Variants in EYS observed in about 807,000 individuals in gnomAD.
The protein encoded by EYS is EGF-like photoreceptor maintenance factor, also known as protein eyes shut homolog.
A neutral mutation model predicts 282.1 loss-of-function variants in EYS; 250 were observed. The ratio of observed to expected loss-of-function variants is 0.89; its 90% CI spans 0.80 to 0.98. The LOEUF is 0.98. Ranked by LOEUF, EYS falls within the 50% of genes least tolerant of loss-of-function variation. The pLI, the probability that EYS is intolerant of heterozygous loss-of-function variation, is 0.00. For missense variants in EYS, 4,016 were observed against 3,709.0 expected (o/e 1.08, Z -2.15); for synonymous variants, 1,355 against 1,282.9 (o/e 1.06, Z -1.20).
At chr6:65,372,992 C>T (rs1224404453) in intron 8 of EYS, among the ~76,000 whole-genome samples, 1 of 151,936 alleles carries the variant, frequency 6.6e-6, no homozygotes, top group African/African-American at 2.4e-5. Flanking sequence ...TTTTTGTTCT[C>T]TTTTTAATTT....
At chr6:65,241,789 A>G (rs1013897514) in intron 12 of EYS, among the ~76,000 whole-genome samples, 1 of 152,042 alleles carries the variant, frequency 6.6e-6, no homozygotes, top group African/African-American at 2.4e-5. Context: ...GGACAGAGAA[A>G]GAGTAAATCA....
intron 30 of EYS, among the ~76,000 whole-genome samples, chr6:64,278,304 A>G (rs1303248759): frequency 6.6e-6 from 1 of 152,188 alleles, no homozygotes; most frequent in African/African-American, 2.4e-5. Context: ...TTGGAATAAA[A>G]TATCAAGATC....
chr6:64,753,162 A>G (rs1330075659), intron 22 of EYS, among the ~76,000 whole-genome samples: 1 of 152,170 alleles, frequency 6.6e-6, no homozygotes, highest in Non-Finnish European at 1.5e-5. Context: ...AGTATAACTC[A>G]CAGGTCTTAT....
At chr6:65,069,220 C>A (rs1405986233) in intron 12 of EYS, among the ~76,000 whole-genome samples, 1 of 151,902 alleles carries the variant, frequency 6.6e-6, no homozygotes, top group Non-Finnish European at 1.5e-5. Flanking sequence ...CTTCTTTGAT[C>A]GGCATTTAAA....
chr6:64,486,123 T>C (rs1776574649), intron 26 of EYS, among the ~76,000 whole-genome samples: 1 of 151,522 alleles, frequency 6.6e-6, no homozygotes, highest in African/African-American at 2.4e-5. Context: ...GGGTTTGTAA[T>C]ATTAGAAATA....
At chr6:63,858,397 T>C (rs1241955987) in intron 36 of EYS, among the ~76,000 whole-genome samples, 1 of 152,152 alleles carries the variant, frequency 6.6e-6, no homozygotes, top group African/African-American at 2.4e-5. Context: ...ATGTGTACAC[T>C]GAAATACACA....
chr6:63,812,864 A>G (rs1402534674), intron 36 of EYS, among the ~76,000 whole-genome samples: 1 of 152,172 alleles, frequency 6.6e-6, no homozygotes, highest in Non-Finnish European at 1.5e-5. Flanking sequence ...AAATGTTACT[A>G]AGTTTTTGCA....
chr6:64,231,466 A>C (rs1014717337), intron 30 of EYS, among the ~76,000 whole-genome samples: 3 of 151,954 alleles, frequency 2.0e-5, no homozygotes, highest in African/African-American at 7.2e-5. Context: ...GATTCCTAAT[A>C]AGTACCTTAA....
chr6:64,375,934 G>A (rs1360315376), intron 29 of EYS, among the ~76,000 whole-genome samples: 12 of 151,996 alleles, frequency 7.9e-5, no homozygotes, highest in African/African-American at 7.2e-5. Flanking sequence ...TTTTACCAGT[G>A]AGCCTAATGC....
intron 12 of EYS, among the ~76,000 whole-genome samples, chr6:65,200,881 CAG>C (rs1233521903): frequency 1.3e-5 from 2 of 151,770 alleles, no homozygotes; most frequent in African/African-American, 2.4e-5. Context: ...GGAATAGAAA[CAG>C]AAGAAAAACT....
At chr6:65,115,056 A>G (rs951422275) in intron 12 of EYS, among the ~76,000 whole-genome samples, 1 of 151,956 alleles carries the variant, frequency 6.6e-6, no homozygotes, top group African/African-American at 2.4e-5. Context: ...GGCCTACTAC[A>G]TCAACTTGAA....
chr6:64,062,247 T>G (rs184865113), intron 33 of EYS, among the ~76,000 whole-genome samples: 1 of 152,230 alleles, frequency 6.6e-6, no homozygotes, highest in Admixed American at 6.5e-5. Context: ...CATAAACAAC[T>G]GGACAGATAA....
rs2149623660 is a variant in EYS at position 63,720,755 on chromosome 6, A to G, written c.9276T>C (p.Tyr3092=). 1 of 1,550,554 alleles carries G rather than the reference A, an allele frequency of 6.4e-7. No homozygotes were observed. The highest frequency in any genetic ancestry group is 8.7e-7 in the Non-Finnish European group (1 of 1,146,364). The change falls in exon 43 of 43, where the codon TAT becomes TAC. Residue 3092 remains tyrosine (Y), a synonymous_variant. Transcript: ENST00000503581. The part of the protein sequence containing the change: ...DGICYLGGFE[Y]GRKVNIVTQE... ...GAGTAACGATATTTACCTTTCTACC[A>G]TATTCAAAGCCCCCTAGATAACAAA...
At chr6:65,329,944 T>G in intron 11 of EYS, 4 of 976,286 alleles carry the variant, frequency 4.1e-6, no homozygotes, top group Non-Finnish European at 4.9e-6. Context: ...AAATTATGTT[T>G]TGGATATATT....
chr6:64,184,949 C>T (rs897686766), intron 31 of EYS, among the ~76,000 whole-genome samples: 1 of 151,788 alleles, frequency 6.6e-6, no homozygotes, highest in Non-Finnish European at 1.5e-5. Flanking sequence ...AGCACAATGA[C>T]ATTAGAAAGT....
chr6:64,194,233 C>A (rs1341786214), intron 31 of EYS, among the ~76,000 whole-genome samples: 1 of 152,162 alleles, frequency 6.6e-6, no homozygotes, highest in Admixed American at 6.5e-5. Context: ...ACCCAACACA[C>A]ATACCTTGTT....
chr6:63,875,443 T>G (rs897208271), intron 35 of EYS, among the ~76,000 whole-genome samples: 1 of 152,220 alleles, frequency 6.6e-6, no homozygotes, highest in Non-Finnish European at 1.5e-5. Flanking sequence ...CTTTTTTTGT[T>G]GTGTCTCGGC....
intron 22 of EYS, among the ~76,000 whole-genome samples, chr6:64,643,132 C>T (rs936940789): frequency 7.8e-6 from 1 of 128,840 alleles, no homozygotes; most frequent in Non-Finnish European, 1.7e-5. Context: ...CAAAAAAAAA[C>T]AACACTGAAG....
At chr6:63,955,425 T>C (rs1765774330) in intron 35 of EYS, among the ~76,000 whole-genome samples, 1 of 152,172 alleles carries the variant, frequency 6.6e-6, no homozygotes, top group Non-Finnish European at 1.5e-5. Context: ...TTCAATACTT[T>C]CACCCTGATG....
Sources: gnomAD v4.1 joint callset for allele counts (sites outside exome capture counted in the v4.1 genomes callset) on GRCh38, gnomAD v4.1.1 for gene constraint, MANE v1.5 for transcripts, NCBI Gene and HGNC (gene_info 2026-07-23, HGNC 2026-07-21) for gene names.